The following NCOA2 variants were observed in gnomAD, a reference collection of about 807,000 sequenced individuals.
NCOA2 encodes class E basic helix-loop-helix protein 75.
NCOA2 carries 21 observed loss-of-function variants against 145.1 expected under a neutral mutation model. The ratio of observed to expected loss-of-function variants is 0.14; its 90% CI spans 0.10 to 0.21. The LOEUF is 0.21. Ranked by LOEUF, NCOA2 falls within the 10% of genes least tolerant of loss-of-function variation. The probability of loss-of-function intolerance (pLI) is 1.00; values close to 1 mark genes in which losing one functional copy is unlikely to be tolerated. For missense variants in NCOA2, 1,472 were observed against 1,837.6 expected, an observed-to-expected ratio of 0.80 and a Z score of 3.64; for synonymous variants, 619 against 637.5, an observed-to-expected ratio of 0.97 and a Z score of 0.44.
At position 70,282,787 on chromosome 8, in the gene NCOA2, AAGAG is replaced by A. The variant is rs760102804; in HGVS notation, c.-20+13953_-20+13956del. 3.9e-5 allele frequency among the ~76,000 whole-genome samples: 6 copies of A among 152,220 alleles called. No individual in the cohort carries two copies. In the South Asian group the frequency reaches 1.0e-3, roughly 26 times the overall value. On this transcript the variant is annotated intron_variant, in intron 2 of 22. Transcript: ENST00000452400. ...CCATGATTCGTTCAATATTGCTAAT[AAGAG>A]AGTCAGCTGGATACTACTAGGGTTG... is the stretch of plus-strand genomic sequence containing the variant.
intron 2 of NCOA2, among the ~76,000 whole-genome samples, chr8:70,281,567 A>T (rs190715677): frequency 2.5e-4 from 38 of 152,194 alleles, no homozygotes; most frequent in Admixed American, 2.4e-3. Flanking sequence ...AAAAGCCTCT[A>T]AACTAGGAAA....
intron 1 of NCOA2, among the ~76,000 whole-genome samples, chr8:70,362,354 A>C (rs1203884660): frequency 6.6e-6 from 1 of 152,220 alleles, no homozygotes; most frequent in African/African-American, 2.4e-5. Context: ...TCCATCAAAG[A>C]ATAATTGATA....
chr8:70,113,629 G>GT lies in NCOA2; in HGVS notation c.*2dup. On this transcript the variant is annotated 3_prime_UTR_variant, in exon 23 of 23. Coordinates refer to ENST00000452400, the MANE Select transcript of NCOA2 (RefSeq NM_006540.4). ...GCTGAAGAAGCAACTGGCTTCAGCA[G>GT]TGTCAGCAATATTTCTGTAGGAAAA... 6.4e-7 allele frequency: 1 copy of GT among 1,552,062 alleles called. No individual in the cohort carries two copies. The highest frequency in any genetic ancestry group is 8.7e-7 in the Non-Finnish European group (1 of 1,147,126).
In NCOA2 at chr8:70,138,257, G is replaced by A. The variant is rs369246166; in HGVS notation, c.3104C>T (p.Pro1035Leu). 176 of 1,613,614 alleles carry A rather than the reference G, an allele frequency of 1.1e-4. No individual in the cohort carries two copies. Among genetic ancestry groups the A allele is most frequent in the Non-Finnish European group, 1.5e-4 (172 of 1,179,768 alleles). Residue 1035 changes from proline (P) to leucine (L), a missense_variant, in exon 15 of 23, where the codon CCA becomes CTA. Pro to Leu is a moderately conservative substitution (Grantham distance 98). Transcript: ENST00000452400. ...QQQAPPNQTAPWPESILPIDQ... is the reference protein window; with the variant it reads ...QQQAPPNQTALWPESILPIDQ... ...TATAGGCAGGATGCTTTCAGGCCAT[G>A]GGGCAGTCTGATTTGGAGGAGCTTG...
At chr8:70,348,297 C>T (rs1264696575) in intron 1 of NCOA2, among the ~76,000 whole-genome samples, 1 of 152,124 alleles carries the variant, frequency 6.6e-6, no homozygotes, top group Non-Finnish European at 1.5e-5. Flanking sequence ...AGAGATAAAA[C>T]ACTTATGCTA....
chr8:70,317,516 C>A (rs1228573559), intron 1 of NCOA2, among the ~76,000 whole-genome samples: 2 of 152,164 alleles, frequency 1.3e-5, no homozygotes, highest in Admixed American at 1.3e-4. Context: ...AAATGAGATC[C>A]TTAATTTCTA....
At chr8:70,132,858 A>C (rs992748677) in intron 15 of NCOA2, among the ~76,000 whole-genome samples, 5 of 152,122 alleles carry the variant, frequency 3.3e-5, no homozygotes, top group Non-Finnish European at 7.4e-5. Context: ...GAGCTACCAC[A>C]CCTGGCCTGA....
At chr8:70,354,814 T>C (rs1439338233) in intron 1 of NCOA2, among the ~76,000 whole-genome samples, 1 of 152,220 alleles carries the variant, frequency 6.6e-6, no homozygotes, top group East Asian at 1.9e-4. Context: ...AGAACTTCAC[T>C]TAAGCAAGAC....
At chr8:70,147,442 G>C (rs866083953) in intron 12 of NCOA2, among the ~76,000 whole-genome samples, 1 of 152,172 alleles carries the variant, frequency 6.6e-6, no homozygotes, top group African/African-American at 2.4e-5. Flanking sequence ...GGCTCAAATT[G>C]TATCTGAAAA....
intron 1 of NCOA2, among the ~76,000 whole-genome samples, chr8:70,396,119 A>G (rs1304416091): frequency 2.0e-5 from 3 of 152,242 alleles, no homozygotes; most frequent in Non-Finnish European, 4.4e-5. Context: ...CATCCATGCT[A>G]CATGATTACA....
intron 1 of NCOA2, among the ~76,000 whole-genome samples, chr8:70,372,417 T>C (rs932098108): frequency 1.4e-4 from 22 of 152,174 alleles, no homozygotes; most frequent in Admixed American, 6.5e-4. Context: ...TGAGCACGCA[T>C]AGCCAGCTTC....
chr8:70,406,704 G>A (rs1814787659), upstream of NCOA2, among the ~76,000 whole-genome samples: 2 of 152,158 alleles, frequency 1.3e-5, no homozygotes, highest in South Asian at 4.1e-4. Flanking sequence ...GGAATAATCA[G>A]AACAATATGA....
At chr8:70,422,914 G>A in the NCOA2 span, among the ~76,000 whole-genome samples, 1 of 151,994 alleles carries the variant, frequency 6.6e-6, no homozygotes, top group African/African-American at 2.4e-5. Flanking sequence ...GTCTTGCTAT[G>A]TTTCCCAGGC....
At chr8:70,233,719 CA>C (rs1563659086) in intron 2 of NCOA2, among the ~76,000 whole-genome samples, 1 of 152,188 alleles carries the variant, frequency 6.6e-6, no homozygotes, top group Non-Finnish European at 1.5e-5. Flanking sequence ...CATGACACAA[CA>C]ATCTATAGGT....
chr8:70,404,903 C>T (rs1814700752), upstream of NCOA2, among the ~76,000 whole-genome samples: 1 of 151,994 alleles, frequency 6.6e-6, no homozygotes, highest in African/African-American at 2.4e-5. Context: ...TGTTTAATGG[C>T]AGTTATCAAA....
At position 70,263,122 on chromosome 8, in the gene NCOA2, C is replaced by T. The variant is rs547566911; in HGVS notation, c.-20+33622G>A. 8.1e-4 allele frequency among the ~76,000 whole-genome samples: 121 copies of T among 148,788 alleles called. 1 individual carries two copies. Among genetic ancestry groups the T allele is most frequent in the African/African-American group, 2.9e-3 (116 of 40,212 alleles). Reference sequence around the variant, plus strand: ...GCATCAATACTCTTGTGCCTTGGGGCCATTATTAAGTCAAATAAGGGTCAC... The same window carrying T: ...GCATCAATACTCTTGTGCCTTGGGGTCATTATTAAGTCAAATAAGGGTCAC... On this transcript the variant is annotated intron_variant, in intron 2 of 22. Transcript: ENST00000452400.
chr8:70,138,296 T>G lies in NCOA2; in HGVS notation c.3065A>C (p.Gln1022Pro), dbSNP rs187705535. The change falls in exon 15 of 23, where the codon CAG becomes CCG. Residue 1022 changes from glutamine (Q) to proline (P), a missense_variant. Around this residue, in one of 4 missense-constraint regions of NCOA2, gnomAD observed 953 missense variants for 1,062.1 expected, o/e 0.90. Coordinates refer to ENST00000452400, the MANE Select transcript of NCOA2 (RefSeq NM_006540.4). ...TGGAGGAGCTTGTTGTTGGCTATAC[T>G]GAGGTCCCCCCATGTTCATCTCTAA... Reference protein sequence around the residue: ...SELEMNMGGPQYSQQQAPPNQ... With the variant: ...SELEMNMGGPPYSQQQAPPNQ... The G allele has an allele frequency of 6.2e-7, 1 of 1,613,280 alleles. No homozygotes were observed. The highest frequency in any genetic ancestry group is 1.3e-5 in the African/African-American group (1 of 75,020).
At chr8:70,123,695 CTGTT>C in intron 21 of NCOA2, 185 bp downstream of exon 21, 3 of 440,920 alleles carry the variant, frequency 6.8e-6, no homozygotes, top group South Asian at 1.4e-4. Flanking sequence ...GGAATCCTTT[CTGTT>C]TATTTAATCA....
chr8:70,286,636 A>G (rs1826251130), intron 2 of NCOA2, among the ~76,000 whole-genome samples: 1 of 152,210 alleles, frequency 6.6e-6, no homozygotes, highest in Admixed American at 6.5e-5. Context: ...AAAAGACAAG[A>G]GAAAAAGAAA....
Sources: gnomAD v4.1 joint callset for allele counts (sites outside exome capture counted in the v4.1 genomes callset) on GRCh38, gnomAD v4.1.1 for gene constraint, gnomAD v4.1.1 regional missense constraint, MANE v1.5 for transcripts, NCBI Gene and HGNC (gene_info 2026-07-23, HGNC 2026-07-21) for gene names.